VRK3: variants seen among roughly 807,000 people sequenced by gnomAD.
VRK3 encodes the protein VRK serine/threonine kinase 3.
A neutral mutation model predicts 60.4 loss-of-function variants in VRK3; 50 were observed. The ratio of observed to expected loss-of-function variants is 0.83; its 90% CI spans 0.66 to 1.05. The LOEUF (loss-of-function observed/expected upper bound fraction) is 1.05, where lower values mean the gene tolerates loss of function less well. VRK3 is among the 50% of genes least tolerant of loss of function. VRK3 has a pLI of 0.00. For synonymous variants in VRK3, 246 were observed against 227.8 expected, an observed-to-expected ratio of 1.08 and a Z score of -0.72; for missense variants, 549 against 585.3, an observed-to-expected ratio of 0.94 and a Z score of 0.64.
At chr19:49,989,361 T>G (rs998666602) in intron 11 of VRK3, among the ~76,000 whole-genome samples, 9 of 152,180 alleles carry the variant, frequency 5.9e-5, no homozygotes, top group African/African-American at 1.9e-4. Context: ...GGATGACTCC[T>G]AGGCAACTCC....
chr19:49,998,861 T>C (rs1368462362), intron 6 of VRK3: 3 of 142,742 alleles, frequency 2.1e-5, no homozygotes, highest in Non-Finnish European at 4.5e-5. Context: ...GGCTCATGCC[T>C]ATAATCCCAG....
rs572406781 is a variant in VRK3 at position 49,976,522 on chromosome 19, C to T, written c.*274G>A. On this transcript the variant is annotated 3_prime_UTR_variant, in exon 15 of 15. Coordinates refer to ENST00000316763, the MANE Select transcript of VRK3 (RefSeq NM_016440.4). ...AGAGGTGTCAAGGGTAGGAGGGGTC[C>T]CCCCTGTGGGCCGGCCCAACCCCAT... is the stretch of plus-strand genomic sequence containing the variant. 2 of 152,752 alleles carry T rather than the reference C, an allele frequency of 1.3e-5. No homozygotes were observed. The highest frequency in any genetic ancestry group is 3.9e-4 in the East Asian group (2 of 5,180). The allele number at this position is 152,752 out of a possible 1,614,324, so 9.5% of individuals were successfully genotyped here.
chr19:50,009,156 G>T (rs895584048), intron 4 of VRK3, 80 bp downstream of exon 4: 3 of 1,498,778 alleles, frequency 2.0e-6, no homozygotes, highest in African/African-American at 1.4e-5. Context: ...CCGGGGCTGT[G>T]GCAGTTTTGT....
intron 12 of VRK3, 178 bp from the exon 13 acceptor site, chr19:49,981,191 C>G (rs1034521204): frequency 3.8e-5 from 24 of 637,624 alleles, no homozygotes; most frequent in South Asian, 2.8e-4. Flanking sequence ...ACTACCATTG[C>G]TCCCAAGGGA....
chr19:49,983,643 C>A (rs185737908), intron 12 of VRK3, among the ~76,000 whole-genome samples: 1 of 152,220 alleles, frequency 6.6e-6, no homozygotes, highest in African/African-American at 2.4e-5. Context: ...CAGAAAGCCT[C>A]GGGGACTTCA....
intron 2 of VRK3, among the ~76,000 whole-genome samples, chr19:50,017,515 G>A (rs10417302): frequency 0.051 from 7,398 of 145,464 alleles, 622 homozygotes; most frequent in African/African-American, 0.18. Context: ...CAGAGGTTGT[G>A]GTGAGCCGAG....
At chr19:49,983,079 T>C (rs540748767) in intron 12 of VRK3, among the ~76,000 whole-genome samples, 1 of 152,240 alleles carries the variant, frequency 6.6e-6, no homozygotes, top group South Asian at 2.1e-4. Context: ...TGTATCCCCA[T>C]GTGGACCCAG....
chr19:50,024,015 C>T (rs1471801491), intron 1 of VRK3, among the ~76,000 whole-genome samples: 1 of 152,230 alleles, frequency 6.6e-6, no homozygotes, highest in Non-Finnish European at 1.5e-5. Flanking sequence ...AGCTCACTTG[C>T]AACCTCCGCT....
chr19:49,976,924 TG>T (rs1489988455), intron 14 of VRK3, 140 bp from the exon 15 acceptor site: 4 of 152,180 alleles, frequency 2.6e-5, no homozygotes, highest in Admixed American at 6.5e-5. Flanking sequence ...CCATACGGGA[TG>T]AGGAGCCCCT....
intron 3 of VRK3, among the ~76,000 whole-genome samples, chr19:50,015,330 A>C (rs971471155): frequency 6.6e-6 from 1 of 151,548 alleles, no homozygotes; most frequent in Non-Finnish European, 1.5e-5. Flanking sequence ...TTTTTTTGAC[A>C]TCGAGTCTCA....
rs767318604 is a variant in VRK3, at chr19:50,000,847, G to A, written c.555C>T (p.Pro185=). The change falls in exon 6 of 15, where the codon CCC becomes CCT. Residue 185 remains proline (P), a synonymous_variant. Coordinates refer to ENST00000316763, the MANE Select transcript of VRK3 (RefSeq NM_016440.4). ...DNQGILYEAA[P]TSTLTCDSGP... ...CTGAGTCACAGGTGAGGGTGGAGGT[G>A]GGTGCAGCTGTGGGGGAACAAACAA... 1.2e-6 allele frequency: 2 copies of A among 1,613,816 alleles called. No homozygotes were observed. Among genetic ancestry groups the A allele is most frequent in the South Asian group, 1.1e-5 (1 of 91,044 alleles).
intron 2 of VRK3, among the ~76,000 whole-genome samples, 174 bp from the exon 3 acceptor site, chr19:50,016,337 T>C (rs2077078225): frequency 6.6e-6 from 1 of 152,226 alleles, no homozygotes; most frequent in African/African-American, 2.4e-5. Flanking sequence ...TGACAGTCAA[T>C]GTTCCCCAAA....
intron 10 of VRK3, 61 bp downstream of exon 10, chr19:49,992,799 T>C: frequency 6.7e-7 from 1 of 1,491,842 alleles, no homozygotes; most frequent in Non-Finnish European, 9.3e-7. Context: ...AATAGAGATT[T>C]GGAGACAGAT....
chr19:50,021,816 C>T (rs1481368778), intron 1 of VRK3, among the ~76,000 whole-genome samples: 1 of 152,240 alleles, frequency 6.6e-6, no homozygotes, highest in African/African-American at 2.4e-5. Flanking sequence ...CATTTCATGA[C>T]AGTTCAGTAT....
chr19:50,015,309 T>G (rs1225498863), intron 3 of VRK3, among the ~76,000 whole-genome samples: 1 of 150,578 alleles, frequency 6.6e-6, no homozygotes, highest in East Asian at 1.9e-4. Context: ...TACTGTGGAT[T>G]TCAGATTTTT....
Position 50,007,734 on chromosome 19 carries a change from A to G in VRK3, c.382T>C (p.Cys128Arg). ...VTRGSPQKTS[C>R]SPQKTRQSPQ... ...CTCTGCCTGGTCTTCTGAGGGCTAC[A>G]GCTGGTCTTCTGAGGGCTACCCCTG... Residue 128 changes from cysteine (C) to arginine (R), a missense_variant, in exon 5 of 15, where the codon TGT becomes CGT. Coordinates refer to ENST00000316763, the MANE Select transcript of VRK3 (RefSeq NM_016440.4). The G allele has an allele frequency of 6.3e-7, 1 of 1,582,964 alleles. No individual in the cohort carries two copies. The highest frequency in any genetic ancestry group is 8.5e-7 in the Non-Finnish European group (1 of 1,177,882).
chr19:49,980,951 G>A lies in VRK3; in HGVS notation c.1276+4C>T, dbSNP rs56404076. The A allele has an allele frequency of 0.01, 16,155 of 1,608,710 alleles. 1,411 individuals are homozygous for A. In the African/African-American group the frequency reaches 0.19, roughly 19 times the overall value. Reference sequence around the variant, plus strand: ...CGCCTGTTCCCGCTCCCTTCAGGACGTACCTGAGGGCCTGATCCAGTGACC... The same window carrying A: ...CGCCTGTTCCCGCTCCCTTCAGGACATACCTGAGGGCCTGATCCAGTGACC... On this transcript the variant is annotated splice_donor_region_variant and intron_variant, in intron 13 of 14. Transcript: ENST00000316763.
intron 2 of VRK3, among the ~76,000 whole-genome samples, chr19:50,016,683 T>C (rs1406661958): frequency 6.6e-6 from 1 of 152,220 alleles, no homozygotes; most frequent in East Asian, 1.9e-4. Flanking sequence ...GAATGATGAG[T>C]GTTCACTAAA....
chr19:49,977,534 C>G (rs999814321), intron 14 of VRK3, among the ~76,000 whole-genome samples: 2 of 152,108 alleles, frequency 1.3e-5, no homozygotes, highest in Non-Finnish European at 2.9e-5. Flanking sequence ...CATCGATAAA[C>G]AGGATGAAGC....
Sources: allele counts gnomAD v4.1 joint callset (sites outside exome capture counted in the v4.1 genomes callset), GRCh38; gene constraint gnomAD v4.1.1; transcripts MANE v1.5; gene names NCBI Gene and HGNC (gene_info 2026-07-23, HGNC 2026-07-21).